PHF19: variants seen among roughly 807,000 people sequenced by gnomAD.
PHF19 encodes polycomb like 3.
In PHF19, 21 loss-of-function variants were observed where a neutral mutation model predicts 79.8. The ratio of observed to expected loss-of-function variants is 0.26; its 90% CI spans 0.19 to 0.38. The LOEUF (loss-of-function observed/expected upper bound fraction) is 0.38, where lower values mean the gene tolerates loss of function less well. PHF19 is among the 10% of genes least tolerant of loss of function. The probability of loss-of-function intolerance (pLI) is 1.00; values close to 1 mark genes in which losing one functional copy is unlikely to be tolerated. For synonymous variants in PHF19, 273 were observed against 296.3 expected (o/e 0.92, Z 0.81); for missense variants, 445 against 744.2 (o/e 0.60, Z 4.68).
At chr9:120,876,670 T>C (rs1241812480) in intron 1 of PHF19, among the ~76,000 whole-genome samples, 5 of 152,008 alleles carry the variant, frequency 3.3e-5, no homozygotes, top group Non-Finnish European at 7.4e-5. Context: ...TTAAAAAGGA[T>C]GTTCAGGAGG....
At chr9:120,879,118 T>C (rs553956524), upstream of PHF19, among the ~76,000 whole-genome samples, 1 of 152,360 alleles carries the variant, frequency 6.6e-6, no homozygotes, top group African/African-American at 2.4e-5. Context: ...AGCCTCCGTG[T>C]CCTCACCTAA....
At chr9:120,887,362 G>A (rs1332649614) in intron 1 of PHF19, among the ~76,000 whole-genome samples, 1 of 152,156 alleles carries the variant, frequency 6.6e-6, no homozygotes, top group African/African-American at 2.4e-5. Context: ...GCTGAGGCAG[G>A]AGAATCGCTT....
At chr9:120,896,393 A>G (rs2046401262), upstream of PHF19, among the ~76,000 whole-genome samples, 1 of 150,300 alleles carries the variant, frequency 6.7e-6, no homozygotes, top group African/African-American at 2.5e-5. Flanking sequence ...GTTCTGAACC[A>G]TGAGACAGTG....
chr9:120,858,034 A>T lies in PHF19; in HGVS notation c.1653T>A (p.Cys551Ter). The T allele has an allele frequency of 6.2e-7, 1 of 1,614,104 alleles. No individual in the cohort carries two copies. Among genetic ancestry groups the T allele is most frequent in the Non-Finnish European group, 8.5e-7 (1 of 1,179,974 alleles). The change falls in exon 15 of 15, where the codon TGT becomes TGA. Residue 551 changes from cysteine (C) to a stop codon, truncating the protein, a stop_gained. Transcript: ENST00000373896. LOFTEE classifies it high-confidence loss of function. ...GAGCCAACACCTGGTACTTCTCCCC[A>T]CAGGCCAACCGCCCAGCTGCACCAA... ...NYFGAAGRLA[C>*]GEKYQVLARR...
chr9:120,897,799 T>C (rs1475665223), upstream of PHF19, among the ~76,000 whole-genome samples: 1 of 151,636 alleles, frequency 6.6e-6, no homozygotes, highest in African/African-American at 2.4e-5. Context: ...GCCAACGTGG[T>C]GAAACCCCAT....
chr9:120,888,119 T>A (rs1167008624), intron 1 of PHF19, among the ~76,000 whole-genome samples: 1 of 152,178 alleles, frequency 6.6e-6, no homozygotes. Context: ...ACTACAGGCA[T>A]GCGCCACCAC....
chr9:120,871,640 T>C (rs576186977), intron 3 of PHF19, among the ~76,000 whole-genome samples: 1 of 152,370 alleles, frequency 6.6e-6, no homozygotes, highest in African/African-American at 2.4e-5. Context: ...GGTTGAAGAA[T>C]AAATATGTTT....
chr9:120,874,443 G>T lies in PHF19; in HGVS notation c.186+113C>A. The T allele has an allele frequency of 1.4e-6, 1 of 719,770 alleles. No individual in the cohort carries two copies. The highest frequency in any genetic ancestry group is 1.8e-5 in the South Asian group (1 of 55,974). 44.6% of individuals were successfully genotyped at this position (719,770 alleles called of 1,614,324 possible). A position where few individuals can be genotyped will look rare whatever the true frequency, so the allele number is the denominator to read the frequency against. ...CCCACCACCAGCTTTGGGCATGAGG[G>T]ACAAGAAGGGAATTCTCCAGCAATC... On this transcript the variant is annotated intron_variant, in intron 2 of 14. Coordinates refer to ENST00000373896, the MANE Select transcript of PHF19 (RefSeq NM_015651.3). This position sits in a 1 kb window ranked among gnomAD's most constrained non-coding sequence, Gnocchi z 4.5.
At chr9:120,877,389 C>T (rs1027234723), upstream of PHF19, 1 of 978,996 alleles carries the variant, frequency 1.0e-6, no homozygotes, top group African/African-American at 1.8e-5. Context: ...GCGCCGGCCT[C>T]GCCATTGGAG....
chr9:120,860,552 T>C lies in PHF19; in HGVS notation c.1305-367A>G, dbSNP rs568187339. The C allele has an allele frequency of 1.5e-4, 41 of 271,790 alleles. No individual in the cohort carries two copies. The East Asian group carries it at 3.6e-3, about 24-fold the overall frequency. The allele number at this position is 271,790 out of a possible 1,614,324, so 16.8% of individuals were successfully genotyped here. On this transcript the variant is annotated intron_variant, in intron 13 of 14. Coordinates refer to ENST00000373896, the MANE Select transcript of PHF19 (RefSeq NM_015651.3). This position sits in a 1 kb window ranked among gnomAD's most constrained non-coding sequence, Gnocchi z 4.1. ...GTTAAGGGATTTAGGTAAAACTACA[T>C]AGCTAGTACTGATAAGCAGGGTCTG...
At chr9:120,864,200 C>T (rs2045627292) in intron 9 of PHF19, 84 bp from the exon 10 acceptor site, 2 of 1,128,294 alleles carry the variant, frequency 1.8e-6, no homozygotes, top group Admixed American at 3.9e-5. Flanking sequence ...TCCCTTCCAT[C>T]TCCTGATGCT....
chr9:120,899,244 A>G (rs2046422932), upstream of PHF19, among the ~76,000 whole-genome samples: 2 of 150,308 alleles, frequency 1.3e-5, no homozygotes, highest in Admixed American at 1.3e-4. Context: ...CACACCTGTA[A>G]TCCCAGCACT....
At chr9:120,876,821 C>T (rs2046074213) in intron 1 of PHF19, among the ~76,000 whole-genome samples, 1 of 152,172 alleles carries the variant, frequency 6.6e-6, no homozygotes, top group Non-Finnish European at 1.5e-5. Flanking sequence ...GTCTGTCCTT[C>T]CCCCACCCCG....
At chr9:120,883,569 G>A (rs2046219893) in intron 1 of PHF19, among the ~76,000 whole-genome samples, 1 of 152,050 alleles carries the variant, frequency 6.6e-6, no homozygotes, top group Non-Finnish European at 1.5e-5. Flanking sequence ...GCCCAGCCTG[G>A]GCAACTTGGT....
At chr9:120,892,179 C>G (rs1360927606) in intron 1 of PHF19, among the ~76,000 whole-genome samples, 1 of 152,206 alleles carries the variant, frequency 6.6e-6, no homozygotes, top group Non-Finnish European at 1.5e-5. Flanking sequence ...TCAGACCAAA[C>G]AAAACTTACC....
At chr9:120,884,186 G>T (rs1459945607) in intron 1 of PHF19, among the ~76,000 whole-genome samples, 1 of 152,052 alleles carries the variant, frequency 6.6e-6, no homozygotes, top group Non-Finnish European at 1.5e-5. Context: ...TTCAATTAGA[G>T]ATTTTGATTG....
chr9:120,867,013 AG>A, intron 6 of PHF19, 48 bp from the exon 7 acceptor site: 1 of 1,111,204 alleles, frequency 9.0e-7, no homozygotes, highest in South Asian at 1.2e-5. Flanking sequence ...ACCCCCAGTC[AG>A]GTATGAGCTT....
In PHF19 at chr9:120,869,084, T is replaced by C. The variant is rs1410015446; in HGVS notation, c.614+98A>G. The C allele has an allele frequency of 3.5e-6, 4 of 1,158,584 alleles. No homozygotes were observed. The African/African-American group carries it at 6.7e-5, about 19-fold the overall frequency. 71.8% of individuals were successfully genotyped at this position (1,158,584 alleles called of 1,614,324 possible). On this transcript the variant is annotated intron_variant, in intron 6 of 14. Coordinates refer to ENST00000373896, the MANE Select transcript of PHF19 (RefSeq NM_015651.3). This position sits in a 1 kb window ranked among gnomAD's most constrained non-coding sequence, Gnocchi z 5.8. The stretch of plus-strand genomic sequence containing the variant: ...TGGGCCCGCCCTCAAGGTCCCCGCC[T>C]TGGCTGACACGCCAGGCTCGCTCCC...
At chr9:120,897,933 C>T (rs1035284590), upstream of PHF19, among the ~76,000 whole-genome samples, 6 of 141,702 alleles carry the variant, frequency 4.2e-5, no homozygotes, top group Non-Finnish European at 7.5e-5. Context: ...GAGCTGAGGT[C>T]GCATCACTGC....
Sources: gnomAD v4.1 joint callset for allele counts (sites outside exome capture counted in the v4.1 genomes callset) on GRCh38, gnomAD v4.1.1 for gene constraint, Gnocchi (gnomAD v3.1) non-coding constraint, MANE v1.5 for transcripts, NCBI Gene and HGNC (gene_info 2026-07-23, HGNC 2026-07-21) for gene names.